The following TFG variants were observed in gnomAD, a reference collection of about 807,000 sequenced individuals.
TFG encodes the protein trafficking from ER to golgi regulator.
A neutral mutation model predicts 51.4 loss-of-function variants in TFG; 22 were observed. The observed-to-expected ratio is 0.43, with a 90% CI of 0.31 to 0.61. The LOEUF is 0.61. Among genes scored for constraint, TFG ranks in the 20% least tolerant of loss-of-function variants. The pLI, the probability that TFG is intolerant of heterozygous loss-of-function variation, is 0.12. For missense variants in TFG, 419 were observed against 487.7 expected (o/e 0.86, Z 1.33); for synonymous variants, 187 against 165.6 (o/e 1.13, Z -0.99).
At chr3:100,726,466 C>A (rs72930713) in intron 3 of TFG, among the ~76,000 whole-genome samples, 4,537 of 152,272 alleles carry the variant, frequency 0.03, 185 homozygotes, top group African/African-American at 0.092. Flanking sequence ...GCATTCCTCA[C>A]TCTAATCAAG....
intron 2 of TFG, among the ~76,000 whole-genome samples, chr3:100,716,304 G>T (rs2095046368): frequency 6.6e-6 from 1 of 152,142 alleles, no homozygotes; most frequent in Non-Finnish European, 1.5e-5. Flanking sequence ...ATATGAGAGA[G>T]AGCATGTGGT....
chr3:100,710,251 G>A (rs2095026597), intron 1 of TFG: 2 of 152,258 alleles, frequency 1.3e-5, no homozygotes, highest in South Asian at 2.1e-4. Flanking sequence ...GGTTTATAGT[G>A]ATGATTCTAG....
chr3:100,723,106 A>G (rs2095065306), intron 3 of TFG, among the ~76,000 whole-genome samples: 1 of 152,228 alleles, frequency 6.6e-6, no homozygotes, highest in Non-Finnish European at 1.5e-5. Context: ...TACAAAATTA[A>G]TAGTCTTAGG....
chr3:100,732,722 G>T (rs72928625), intron 5 of TFG, 50 bp downstream of exon 5: 6 of 1,418,702 alleles, frequency 4.2e-6, no homozygotes, highest in Non-Finnish European at 4.8e-6. Context: ...TCATCTTTCC[G>T]TTCTTCCCTT....
At chr3:100,742,530 A>G (rs1357775184) in intron 6 of TFG, 1 of 152,216 alleles carries the variant, frequency 6.6e-6, no homozygotes, top group East Asian at 1.9e-4. Flanking sequence ...ACAGGTTGCT[A>G]TTCCATTGCA....
intron 3 of TFG, among the ~76,000 whole-genome samples, chr3:100,726,005 A>T (rs1016140751): frequency 2.0e-5 from 3 of 152,184 alleles, no homozygotes; most frequent in African/African-American, 7.2e-5. Context: ...TACAAGGCGA[A>T]GTCCGGTGAT....
At chr3:100,730,680 G>A (rs1228954880) in intron 4 of TFG, among the ~76,000 whole-genome samples, 1 of 152,188 alleles carries the variant, frequency 6.6e-6, no homozygotes, top group African/African-American at 2.4e-5. Flanking sequence ...GTGGCCACCT[G>A]TGGTCTTCAG....
chr3:100,713,793 A>G lies in TFG; in HGVS notation c.108A>G (p.Leu36=). The change falls in exon 2 of 8, where the codon TTA becomes TTG. Residue 36 remains leucine (L), a synonymous_variant. Transcript: ENST00000240851. The part of the protein sequence containing the change: ...IHNEDITYDE[L]VLMMQRVFRG... Reference sequence around the variant, plus strand: ...ATGAAGATATTACTTATGATGAATTAGTGCTAATGATGCAACGAGTTTTCA... The same window carrying G: ...ATGAAGATATTACTTATGATGAATTGGTGCTAATGATGCAACGAGTTTTCA... 6.2e-7 allele frequency: 1 copy of G among 1,607,572 alleles called. No individual in the cohort carries two copies. The highest frequency in any genetic ancestry group is 8.5e-7 in the Non-Finnish European group (1 of 1,175,324).
chr3:100,731,045 T>C (rs964814630), intron 4 of TFG, among the ~76,000 whole-genome samples: 5 of 152,340 alleles, frequency 3.3e-5, no homozygotes, highest in East Asian at 1.9e-4. Context: ...TGGAATGGTA[T>C]GTTAGGAATG....
At chr3:100,719,491 G>T (rs2095055040) in intron 2 of TFG, among the ~76,000 whole-genome samples, 2 of 152,120 alleles carry the variant, frequency 1.3e-5, no homozygotes, top group African/African-American at 4.8e-5. Flanking sequence ...TATCAAAATG[G>T]TCAGTGACCT....
chr3:100,715,845 C>T (rs535507998), intron 2 of TFG, among the ~76,000 whole-genome samples: 46 of 151,996 alleles, frequency 3.0e-4, no homozygotes, highest in African/African-American at 1.1e-3. Flanking sequence ...CCCGGCCTCC[C>T]AAAGGCATAA....
chr3:100,717,319 T>C (rs1197192590), intron 2 of TFG, among the ~76,000 whole-genome samples: 2 of 152,214 alleles, frequency 1.3e-5, no homozygotes, highest in Non-Finnish European at 2.9e-5. Flanking sequence ...CTTTGTAGTA[T>C]ATTTTGAGGT....
intron 7 of TFG, chr3:100,747,505 TAAA>T (rs1047616523): frequency 6.6e-6 from 1 of 152,356 alleles, no homozygotes; most frequent in African/African-American, 2.4e-5. Flanking sequence ...ACTTTCGTTG[TAAA>T]AAAAATTACA....
intron 3 of TFG, among the ~76,000 whole-genome samples, chr3:100,726,119 C>T (rs987866928): frequency 6.6e-6 from 1 of 152,136 alleles, no homozygotes; most frequent in Non-Finnish European, 1.5e-5. Context: ...GATAGTGCAG[C>T]CTTTGTCTGT....
chr3:100,737,096 A>G (rs1239439796), intron 6 of TFG, among the ~76,000 whole-genome samples: 1 of 143,506 alleles, frequency 7.0e-6, no homozygotes, highest in East Asian at 1.9e-4. Context: ...TTCTAATTTA[A>G]AAAAGATTTC....
At chr3:100,742,885 A>G (rs1309922261) in intron 6 of TFG, 2 of 128,404 alleles carry the variant, frequency 1.6e-5, no homozygotes, top group East Asian at 3.9e-4. Context: ...GTTTATGAAA[A>G]CATGCAAAAA....
chr3:100,723,612 CTT>C (rs1231650143), intron 3 of TFG, among the ~76,000 whole-genome samples: 1 of 152,112 alleles, frequency 6.6e-6, no homozygotes. Context: ...TATATAAAAA[CTT>C]GAGTAGTAAT....
intron 2 of TFG, among the ~76,000 whole-genome samples, chr3:100,718,545 C>T (rs1022855450): frequency 4.5e-5 from 5 of 112,112 alleles, no homozygotes; most frequent in Non-Finnish European, 5.4e-5. Context: ...CTTTGTATTT[C>T]ATGGTTTTTT....
chr3:100,723,346 T>C (rs770678209), intron 3 of TFG, among the ~76,000 whole-genome samples: 52 of 152,116 alleles, frequency 3.4e-4, no homozygotes, highest in Non-Finnish European at 6.5e-4. Context: ...CAAGGGTACC[T>C]GTTCAGTTCA....
Sources: allele counts gnomAD v4.1 joint callset (sites outside exome capture counted in the v4.1 genomes callset), GRCh38; gene constraint gnomAD v4.1.1; transcripts MANE v1.5; gene names NCBI Gene and HGNC (gene_info 2026-07-23, HGNC 2026-07-21).